CHRM2: variants seen among roughly 807,000 people sequenced by gnomAD.
CHRM2 encodes cholinergic receptor muscarinic 2.
In CHRM2, 8 loss-of-function variants were observed where a neutral mutation model predicts 25.0. The ratio of observed to expected loss-of-function variants is 0.32; its 90% CI spans 0.19 to 0.58. The LOEUF (loss-of-function observed/expected upper bound fraction) is 0.58, where lower values mean the gene tolerates loss of function less well. Ranked by LOEUF, CHRM2 falls within the 20% of genes least tolerant of loss-of-function variation. CHRM2 has a pLI of 0.88. For synonymous variants in CHRM2, 202 were observed against 205.7 expected (o/e 0.98, Z 0.15); for missense variants, 440 against 567.1 (o/e 0.78, Z 2.28).
chr7:136,927,657 G>A lies in CHRM2; in HGVS notation c.-125+58239G>A, dbSNP rs891146479. Among the ~76,000 whole-genome samples the A allele has an allele frequency of 8.5e-5, 13 of 152,272 alleles. No individual in the cohort carries two copies. In the East Asian group the frequency reaches 1.3e-3, roughly 16 times the overall value. On this transcript the variant is annotated intron_variant, in intron 2 of 3. Coordinates refer to ENST00000680005, the MANE Select transcript of CHRM2 (RefSeq NM_001006630.2). ...AATTACCTTGTAACATGCTACCTATGAGCAACATTTCCAAAATAATGGTTT... is the reference window on the plus strand; with the variant it reads ...AATTACCTTGTAACATGCTACCTATAAGCAACATTTCCAAAATAATGGTTT...
chr7:136,973,147 G>A (rs1333853904), intron 2 of CHRM2, among the ~76,000 whole-genome samples: 1 of 84,960 alleles, frequency 1.2e-5, no homozygotes. Flanking sequence ...TGATGGTGAC[G>A]GTGTTAGGGA....
chr7:136,973,312 G>A (rs1210684336), intron 2 of CHRM2, among the ~76,000 whole-genome samples: 5 of 107,928 alleles, frequency 4.6e-5, no homozygotes, highest in African/African-American at 1.9e-4. Context: ...ACGGTGTTAG[G>A]GATGGTGGCA....
At chr7:137,004,644 A>C (rs1804298124) in intron 3 of CHRM2, among the ~76,000 whole-genome samples, 2 of 152,118 alleles carry the variant, frequency 1.3e-5, no homozygotes, top group African/African-American at 4.8e-5. Flanking sequence ...ATTTCATTTC[A>C]AGCAGTCTGG....
At chr7:136,942,416 A>G (rs1799826696) in intron 2 of CHRM2, among the ~76,000 whole-genome samples, 1 of 152,168 alleles carries the variant, frequency 6.6e-6, no homozygotes, top group South Asian at 2.1e-4. Context: ...CCTGTTCCCA[A>G]GGACCAGTGT....
intron 2 of CHRM2, among the ~76,000 whole-genome samples, chr7:136,977,941 A>G (rs1802214221): frequency 6.6e-6 from 1 of 152,156 alleles, no homozygotes; most frequent in Admixed American, 6.6e-5. Context: ...GTCCGGTTTC[A>G]TTCTTCTGCA....
intron 2 of CHRM2, among the ~76,000 whole-genome samples, chr7:136,991,410 C>T (rs1324905590): frequency 6.6e-6 from 1 of 152,042 alleles, no homozygotes; most frequent in African/African-American, 2.4e-5. Context: ...CATTGTATTG[C>T]CTATGCTCCT....
chr7:136,920,313 G>A (rs975586147), intron 2 of CHRM2, among the ~76,000 whole-genome samples: 9 of 152,040 alleles, frequency 5.9e-5, no homozygotes, highest in Non-Finnish European at 7.4e-5. Context: ...AAAACAAATC[G>A]AGGGTGCATA....
chr7:136,940,737 T>C (rs2130815229), intron 2 of CHRM2, among the ~76,000 whole-genome samples: 1 of 152,350 alleles, frequency 6.6e-6, no homozygotes, highest in East Asian at 1.9e-4. Context: ...TATTTAATCC[T>C]TTCAAAAATT....
chr7:137,012,741 A>G (rs1006235307), intron 3 of CHRM2, among the ~76,000 whole-genome samples: 5 of 151,984 alleles, frequency 3.3e-5, no homozygotes, highest in South Asian at 4.1e-4. Flanking sequence ...CTGAGTGAAC[A>G]TACTTGAGTA....
At chr7:136,927,114 T>C (rs2130761656) in intron 2 of CHRM2, among the ~76,000 whole-genome samples, 1 of 152,350 alleles carries the variant, frequency 6.6e-6, no homozygotes, top group East Asian at 1.9e-4. Context: ...AGTAAATTTA[T>C]CAACTACTTC....
At chr7:136,918,191 C>T (rs1187592851) in intron 2 of CHRM2, among the ~76,000 whole-genome samples, 1 of 151,938 alleles carries the variant, frequency 6.6e-6, no homozygotes, top group East Asian at 1.9e-4. Context: ...GTTTTAGGTG[C>T]CTTGGAAGGG....
chr7:137,005,890 T>A (rs753777827), intron 3 of CHRM2, among the ~76,000 whole-genome samples: 1 of 152,124 alleles, frequency 6.6e-6, no homozygotes, highest in Non-Finnish European at 1.5e-5. Context: ...AAAAGCCGAC[T>A]ATACAAATTT....
chr7:136,936,180 C>A (rs558020540), intron 2 of CHRM2, among the ~76,000 whole-genome samples: 1 of 152,144 alleles, frequency 6.6e-6, no homozygotes, highest in African/African-American at 2.4e-5. Flanking sequence ...AAAGTACCAA[C>A]ATACATGAAA....
At chr7:137,014,789 T>A in intron 3 of CHRM2, 31 bp from the exon 4 acceptor site, 1 of 1,257,280 alleles carries the variant, frequency 8.0e-7, no homozygotes, top group Non-Finnish European at 1.2e-6. Context: ...GTTTATATTA[T>A]GTTTGTTAAT....
intron 2 of CHRM2, among the ~76,000 whole-genome samples, chr7:136,990,703 A>G (rs1803166414): frequency 6.6e-6 from 1 of 152,166 alleles, no homozygotes; most frequent in South Asian, 2.1e-4. Context: ...TTGTGTGGAC[A>G]TGTTTTTAAC....
At chr7:137,007,264 T>C (rs1804505843) in intron 3 of CHRM2, among the ~76,000 whole-genome samples, 1 of 152,138 alleles carries the variant, frequency 6.6e-6, no homozygotes, top group African/African-American at 2.4e-5. Flanking sequence ...TCACCAGCAA[T>C]TTGTATCTCC....
chr7:136,910,597 T>A (rs1331686907), intron 2 of CHRM2, among the ~76,000 whole-genome samples: 3 of 151,926 alleles, frequency 2.0e-5, no homozygotes, highest in Non-Finnish European at 4.4e-5. Flanking sequence ...AAAAGGAACA[T>A]GATTGAAGGT....
intron 2 of CHRM2, among the ~76,000 whole-genome samples, chr7:136,879,732 A>C (rs12530999): frequency 0.14 from 20,636 of 151,860 alleles, 1,589 homozygotes; most frequent in Non-Finnish European, 0.18. Context: ...ACATCCTTAG[A>C]ATTCCTCTTT....
chr7:136,927,567 A>C (rs10256854), intron 2 of CHRM2, among the ~76,000 whole-genome samples: 11,154 of 152,294 alleles, frequency 0.073, 507 homozygotes, highest in African/African-American at 0.13. Flanking sequence ...ACTCTTACAG[A>C]TCTCTCAAGG....
Sources: allele counts gnomAD v4.1 joint callset (sites outside exome capture counted in the v4.1 genomes callset), GRCh38; gene constraint gnomAD v4.1.1; transcripts MANE v1.5; gene names NCBI Gene and HGNC (gene_info 2026-07-23, HGNC 2026-07-21).